The following WWC2 variants were observed in gnomAD, a reference collection of about 807,000 sequenced individuals.
The protein encoded by WWC2 is WW and C2 domain containing 2.
In WWC2, 101 loss-of-function variants were observed where a neutral mutation model predicts 138.5. The observed-to-expected ratio is 0.73, with a 90% CI of 0.62 to 0.86. The LOEUF (loss-of-function observed/expected upper bound fraction) is 0.86. Among genes scored for constraint, WWC2 ranks in the 40% least tolerant of loss-of-function variants. The probability of loss-of-function intolerance (pLI) is 0.00; values close to 1 mark genes in which losing one functional copy is unlikely to be tolerated. For missense variants in WWC2, 1,420 were observed against 1,419.4 expected, an observed-to-expected ratio of 1.00 and a Z score of -0.01; for synonymous variants, 558 against 538.4, an observed-to-expected ratio of 1.04 and a Z score of -0.50.
chr4:183,293,624 G>GA (rs1214137665), intron 21 of WWC2, among the ~76,000 whole-genome samples: 1 of 152,094 alleles, frequency 6.6e-6, no homozygotes, highest in Non-Finnish European at 1.5e-5. Flanking sequence ...CATAAGGCAA[G>GA]AAAAAAAGTA....
At chr4:183,283,000 A>G in intron 18 of WWC2, 94 bp downstream of exon 18, 2 of 1,313,888 alleles carry the variant, frequency 1.5e-6, no homozygotes, top group South Asian at 1.8e-5. Flanking sequence ...TGTAAATTCC[A>G]TGTCAGGATT....
chr4:183,135,272 G>A (rs72695783), intron 1 of WWC2, among the ~76,000 whole-genome samples: 6,448 of 151,962 alleles, frequency 0.042, 167 homozygotes, highest in African/African-American at 0.069. Context: ...AATTATTACT[G>A]TGTTCATATA....
chr4:183,149,636 A>C (rs1216294003), intron 1 of WWC2, among the ~76,000 whole-genome samples: 1 of 149,626 alleles, frequency 6.7e-6, no homozygotes, highest in African/African-American at 2.5e-5. Context: ...AAAAAAAAAA[A>C]TCTTTAAGTA....
intron 1 of WWC2, among the ~76,000 whole-genome samples, chr4:183,160,305 A>T (rs1159000604): frequency 6.6e-6 from 1 of 152,256 alleles, no homozygotes; most frequent in Admixed American, 6.5e-5. Context: ...TGTAAGAATG[A>T]ATAGTTGAAA....
rs776211338 is a variant in WWC2, at chr4:183,296,933, C to CA, written c.3384+7334dup. 7.7e-3 allele frequency among the ~76,000 whole-genome samples: 546 copies of CA among 70,740 alleles called. 61 individuals are homozygous for CA. Among genetic ancestry groups the CA allele is most frequent in the African/African-American group, 0.019 (305 of 15,954 alleles). 46.4% of individuals were successfully genotyped at this position (70,740 alleles called of 152,430 possible). A position where few individuals can be genotyped will look rare whatever the true frequency, so the allele number is the denominator to read the frequency against. On this transcript the variant is annotated intron_variant, in intron 21 of 22. Transcript: ENST00000403733. ...TGGGCAACAGAGCGAGACTCCGTCT[C>CA]AAAAAAAAAAAAAAAAAAAAAAAAA...
At chr4:183,110,777 A>G (rs1346583974) in intron 1 of WWC2, among the ~76,000 whole-genome samples, 1 of 152,224 alleles carries the variant, frequency 6.6e-6, no homozygotes. Flanking sequence ...GAGTATGTCA[A>G]CATTTGGAAG....
At chr4:183,234,537 T>C (rs972852676) in intron 4 of WWC2, among the ~76,000 whole-genome samples, 1 of 152,018 alleles carries the variant, frequency 6.6e-6, no homozygotes, top group Non-Finnish European at 1.5e-5. Flanking sequence ...TTTGTCTTTC[T>C]TTTTACATGT....
intron 9 of WWC2, among the ~76,000 whole-genome samples, chr4:183,255,545 A>C (rs552691673): frequency 5.9e-5 from 9 of 152,300 alleles, no homozygotes; most frequent in African/African-American, 1.9e-4. Context: ...CATATTATAA[A>C]ATTTTATATA....
At chr4:183,135,014 C>T (rs1579973256) in intron 1 of WWC2, among the ~76,000 whole-genome samples, 1 of 151,996 alleles carries the variant, frequency 6.6e-6, no homozygotes, top group African/African-American at 2.4e-5. Flanking sequence ...TCACTGCAGC[C>T]TCCACCTCCT....
intron 1 of WWC2, among the ~76,000 whole-genome samples, chr4:183,138,523 T>C (rs948210207): frequency 6.6e-6 from 1 of 152,224 alleles, no homozygotes; most frequent in Admixed American, 6.5e-5. Flanking sequence ...TATCTATGGC[T>C]GCTTTTGTAC....
chr4:183,245,482 A>G lies in WWC2; in HGVS notation c.669A>G (p.Thr223=), dbSNP rs199976546. 1.1e-5 allele frequency: 18 copies of G among 1,608,984 alleles called. No individual in the cohort carries two copies. The East Asian group carries it at 4.0e-4, about 36-fold the overall frequency. Residue 223 remains threonine (T), a synonymous_variant, in exon 6 of 23, where the codon ACA becomes ACG. Transcript: ENST00000403733. ...YELSEAKAIL[T]ELKSIRKAIS... is the part of the protein sequence containing the mutation. ...TCAGTGAAGCCAAAGCCATTCTAAC[A>G]GAACTAAAATCTATCAGAAAGGCAA...
At chr4:183,305,621 TAAG>T (rs944422735) in intron 21 of WWC2, among the ~76,000 whole-genome samples, 1 of 152,150 alleles carries the variant, frequency 6.6e-6, no homozygotes, top group Non-Finnish European at 1.5e-5. Context: ...TTTAAATTGT[TAAG>T]AGGAAAAAGA....
rs527417218 is a variant in WWC2, at chr4:183,208,091, T to G, written c.380T>G (p.Leu127Arg). The G allele has an allele frequency of 6.2e-7, 1 of 1,613,832 alleles. No homozygotes were observed. The highest frequency in any genetic ancestry group is 1.7e-5 in the Admixed American group (1 of 60,002). ...CATGTGAAGGAGCAGAGGCTGGCGC[T>G]GGCCCTGGATGAATACGTGCGATTA... Reference protein sequence around the residue: ...LYHVKEQRLALALDEYVRLND... With the variant: ...LYHVKEQRLARALDEYVRLND... Residue 127 changes from leucine (L) to arginine (R), a missense_variant, in exon 3 of 23, where the codon CTG (leucine) becomes CGG (arginine). Physicochemically the swap from Leu to Arg is moderately radical, Grantham distance 102 (BLOSUM62 -2). Coordinates refer to ENST00000403733, the MANE Select transcript of WWC2 (RefSeq NM_024949.6).
chr4:183,115,919 C>G (rs1732394217), intron 1 of WWC2, among the ~76,000 whole-genome samples: 2 of 152,092 alleles, frequency 1.3e-5, no homozygotes, highest in South Asian at 4.1e-4. Flanking sequence ...TTGCCAGGGC[C>G]TACGTCCAGA....
At chr4:183,131,705 ATCT>A (rs1184781984) in intron 1 of WWC2, among the ~76,000 whole-genome samples, 1 of 152,110 alleles carries the variant, frequency 6.6e-6, no homozygotes, top group Non-Finnish European at 1.5e-5. Context: ...AGATTTGTCC[ATCT>A]TCTTTCTCAT....
chr4:183,289,777 C>G, intron 21 of WWC2, 142 bp downstream of exon 21: 5 of 1,271,970 alleles, frequency 3.9e-6, no homozygotes, highest in Non-Finnish European at 5.2e-6. Context: ...ATTTTTCCCA[C>G]TGTTATAGGC....
At chr4:183,246,249 C>T (rs545540925) in intron 6 of WWC2, among the ~76,000 whole-genome samples, 3 of 152,094 alleles carry the variant, frequency 2.0e-5, no homozygotes, top group Non-Finnish European at 4.4e-5. Flanking sequence ...GGGTGTCTCT[C>T]TTCCTCTCCT....
rs532078236 is a variant in WWC2 at position 183,244,073 on chromosome 4, C to T, written c.603-1343C>T. On this transcript the variant is annotated intron_variant, in intron 5 of 22. Coordinates refer to ENST00000403733, the MANE Select transcript of WWC2 (RefSeq NM_024949.6). The stretch of plus-strand genomic sequence containing the variant: ...TAATTATTAAATGTTTTAAACCAAA[C>T]GAGCTCAGAGCCTGTTTTCCCCGAT... Among the ~76,000 whole-genome samples, 25 of 152,102 alleles carry T rather than the reference C, an allele frequency of 1.6e-4. No homozygotes were observed. The South Asian group carries it at 2.7e-3, about 16-fold the overall frequency.
At chr4:183,235,940 T>A (rs1215994223) in intron 4 of WWC2, among the ~76,000 whole-genome samples, 1 of 152,242 alleles carries the variant, frequency 6.6e-6, no homozygotes, top group African/African-American at 2.4e-5. Flanking sequence ...CTATTTTATG[T>A]CAGTAAGATA....
Sources: allele counts gnomAD v4.1 joint callset (sites outside exome capture counted in the v4.1 genomes callset), GRCh38; gene constraint gnomAD v4.1.1; transcripts MANE v1.5; gene names NCBI Gene and HGNC (gene_info 2026-07-23, HGNC 2026-07-21).